BBOX1: variants seen among roughly 807,000 people sequenced by gnomAD.
The protein encoded by BBOX1 is gamma-butyrobetaine hydroxylase 1.
In BBOX1, 35 loss-of-function variants were observed where a neutral mutation model predicts 41.6. The observed-to-expected ratio is 0.84, with a 90% CI of 0.64 to 1.11. BBOX1 has a LOEUF of 1.11. BBOX1 is among the 50% of genes most tolerant of loss of function. The pLI is 0.00. For synonymous variants in BBOX1, 163 were observed against 154.7 expected (o/e 1.05, Z -0.40); for missense variants, 458 against 460.6 (o/e 0.99, Z 0.05).
chr11:27,115,384 T>C, intron 5 of BBOX1, 68 bp from the exon 6 acceptor site: 1 of 1,266,702 alleles, frequency 7.9e-7, no homozygotes, highest in Non-Finnish European at 1.1e-6. Flanking sequence ...ACATATCAAA[T>C]TCATTCTAAT....
chr11:27,115,509 G>A lies in BBOX1; in HGVS notation c.591G>A (p.Gly197=), dbSNP rs1188421132. The change falls in exon 6 of 9, where the codon GGG becomes GGA. Residue 197 remains glycine, a synonymous_variant. Coordinates refer to ENST00000263182, the MANE Select transcript of BBOX1 (RefSeq NM_003986.3). ...CAAACAATGTGGCTTACACAACTGGGAAGCTAAGCTTTCACACTGATTATC... is the reference window on the plus strand; with the variant it reads ...CAAACAATGTGGCTTACACAACTGGAAAGCTAAGCTTTCACACTGATTATC... ...IDANNVAYTT[G]KLSFHTDYPA... 2 of 1,611,276 alleles carry A rather than the reference G, an allele frequency of 1.2e-6. No homozygotes were observed.
chr11:27,106,649 C>T (rs1013561315), intron 5 of BBOX1, among the ~76,000 whole-genome samples: 1 of 152,092 alleles, frequency 6.6e-6, no homozygotes, highest in Non-Finnish European at 1.5e-5. Flanking sequence ...GAGACTTTAA[C>T]ACCCCACTGT....
At chr11:27,096,182 G>A (rs142484426) in intron 5 of BBOX1, among the ~76,000 whole-genome samples, 107 of 152,018 alleles carry the variant, frequency 7.0e-4, no homozygotes, top group African/African-American at 2.4e-3. Flanking sequence ...TCACAATGAT[G>A]TGCACAAAAT....
chr11:27,049,940 T>C (rs1034977219), intron 2 of BBOX1, among the ~76,000 whole-genome samples: 1 of 152,186 alleles, frequency 6.6e-6, no homozygotes, highest in Non-Finnish European at 1.5e-5. Context: ...CAGACAAATG[T>C]CATGGAGTTT....
At chr11:27,124,197 C>T (rs1298516308) in intron 7 of BBOX1, among the ~76,000 whole-genome samples, 2 of 152,178 alleles carry the variant, frequency 1.3e-5, no homozygotes, top group Non-Finnish European at 2.9e-5. Flanking sequence ...TTTGGTCTGA[C>T]CGACCAAGCC....
intron 4 of BBOX1, among the ~76,000 whole-genome samples, chr11:27,089,795 T>G (rs1858171659): frequency 6.6e-6 from 1 of 152,018 alleles, no homozygotes; most frequent in African/African-American, 2.4e-5. Flanking sequence ...GAGGAAATGG[T>G]GATTTGTTAT....
At chr11:27,046,730 C>G (rs1296853114) in intron 2 of BBOX1, among the ~76,000 whole-genome samples, 5 of 152,062 alleles carry the variant, frequency 3.3e-5, no homozygotes, top group Non-Finnish European at 7.4e-5. Context: ...GGAGCTATAT[C>G]TAAATTTTTC....
At chr11:27,118,820 T>C (rs2134102709) in intron 6 of BBOX1, among the ~76,000 whole-genome samples, 1 of 151,958 alleles carries the variant, frequency 6.6e-6, no homozygotes, top group Non-Finnish European at 1.5e-5. Context: ...CTTGAAATAT[T>C]CTGTCAGTTC....
At chr11:27,122,317 A>T (rs976197461) in intron 7 of BBOX1, among the ~76,000 whole-genome samples, 1 of 152,092 alleles carries the variant, frequency 6.6e-6, no homozygotes, top group Non-Finnish European at 1.5e-5. Context: ...GTAATCTCTC[A>T]TGTGATTATT....
At chr11:27,091,214 C>A (rs918003032) in intron 4 of BBOX1, among the ~76,000 whole-genome samples, 3 of 151,924 alleles carry the variant, frequency 2.0e-5, no homozygotes, top group Non-Finnish European at 4.4e-5. Context: ...CTGCAACAGA[C>A]AACTTCTTGG....
chr11:27,115,354 A>G (rs909529441), intron 5 of BBOX1, 98 bp from the exon 6 acceptor site: 8 of 958,760 alleles, frequency 8.3e-6, no homozygotes, highest in African/African-American at 1.7e-5. Context: ...TCAAAAAATG[A>G]AAAGTTTCCA....
At chr11:27,053,686 A>G (rs969735488) in intron 2 of BBOX1, among the ~76,000 whole-genome samples, 1 of 152,198 alleles carries the variant, frequency 6.6e-6, no homozygotes, top group African/African-American at 2.4e-5. Context: ...CAGGAAATTC[A>G]AATGTCCTAC....
chr11:27,102,473 C>T (rs1858697271), intron 5 of BBOX1, among the ~76,000 whole-genome samples: 1 of 152,058 alleles, frequency 6.6e-6, no homozygotes, highest in Non-Finnish European at 1.5e-5. Context: ...AAGCATAAAC[C>T]TTGCCTTTTT....
intron 4 of BBOX1, among the ~76,000 whole-genome samples, chr11:27,077,995 C>A (rs1163402956): frequency 1.3e-5 from 2 of 152,048 alleles, no homozygotes; most frequent in African/African-American, 2.4e-5. Flanking sequence ...GAATAAAATT[C>A]TTCACTGGGG....
chr11:27,102,235 AAGTG>A (rs1858688691), intron 5 of BBOX1, among the ~76,000 whole-genome samples: 1 of 152,120 alleles, frequency 6.6e-6, no homozygotes, highest in South Asian at 2.1e-4. Flanking sequence ...GAAAGAAAGG[AAGTG>A]AATACCATAA....
At chr11:27,053,800 T>A (rs1856887983) in intron 2 of BBOX1, among the ~76,000 whole-genome samples, 1 of 152,202 alleles carries the variant, frequency 6.6e-6, no homozygotes, top group African/African-American at 2.4e-5. Context: ...TTTGATTATT[T>A]TTAAGTAATA....
intron 8 of BBOX1, among the ~76,000 whole-genome samples, chr11:27,126,935 A>G (rs1859681798): frequency 6.6e-6 from 1 of 152,146 alleles, no homozygotes; most frequent in African/African-American, 2.4e-5. Flanking sequence ...CGGCCTCCCA[A>G]AGTGCCGGGA....
intron 4 of BBOX1, among the ~76,000 whole-genome samples, chr11:27,080,782 A>C (rs1439482409): frequency 6.6e-6 from 1 of 152,130 alleles, no homozygotes; most frequent in Non-Finnish European, 1.5e-5. Context: ...TTGAGGATAG[A>C]AAACATAAGA....
At chr11:27,110,705 G>C (rs1018908580) in intron 5 of BBOX1, among the ~76,000 whole-genome samples, 2 of 151,562 alleles carry the variant, frequency 1.3e-5, no homozygotes, top group Non-Finnish European at 2.9e-5. Context: ...TCTTTACCTT[G>C]CTTCATTTTC....
Sources: allele counts gnomAD v4.1 joint callset (sites outside exome capture counted in the v4.1 genomes callset), GRCh38; gene constraint gnomAD v4.1.1; transcripts MANE v1.5; gene names NCBI Gene and HGNC (gene_info 2026-07-23, HGNC 2026-07-21).